ATR: variants seen among roughly 807,000 people sequenced by gnomAD.
ATR encodes the protein ATR checkpoint kinase.
Under a neutral mutation model 305.3 loss-of-function variants are expected in ATR, and 142 were observed. The ratio of observed to expected loss-of-function variants is 0.47; its 90% confidence interval spans 0.41 to 0.53. ATR has a LOEUF of 0.53. Among genes scored for constraint, ATR ranks in the 20% least tolerant of loss-of-function variants. The pLI is 0.00. For synonymous variants in ATR, 1,050 were observed against 1,068.1 expected, an observed-to-expected ratio of 0.98 and a Z score of 0.33; for missense variants, 2,135 against 3,133.1, an observed-to-expected ratio of 0.68 and a Z score of 7.60.
At chr3:142,462,222 T>C (rs2071036285) in intron 41 of ATR, 132 bp from the exon 42 acceptor site, 1 of 850,028 alleles carries the variant, frequency 1.2e-6, no homozygotes, top group Admixed American at 2.5e-5. Context: ...GTGGTATACA[T>C]GAATAATTCT....
intron 22 of ATR, 72 bp downstream of exon 22, chr3:142,523,921 C>T (rs906475623): frequency 5.8e-5 from 86 of 1,470,256 alleles, no homozygotes; most frequent in Admixed American, 2.3e-4. Flanking sequence ...CTGAATAGTT[C>T]TTTGTAAATG....
At chr3:142,470,300 T>C in intron 36 of ATR, 117 bp from the exon 37 acceptor site, 1 of 864,412 alleles carries the variant, frequency 1.2e-6, no homozygotes, top group South Asian at 1.6e-5. Flanking sequence ...ATGGTATCAA[T>C]ATTTCTTCCT....
At position 142,562,391 on chromosome 3, in the gene ATR, A is replaced by T. The variant is rs779268564; in HGVS notation, c.1011T>A (p.Leu337=). Reference sequence around the variant, plus strand: ...AAGCTGCTTTTAGCAAATCAGACTTAAGCCGCATGAGCACACCGTCTTCAA... The same window carrying T: ...AAGCTGCTTTTAGCAAATCAGACTTTAGCCGCATGAGCACACCGTCTTCAA... ...VMFEDGVLMR[L]KSDLLKAALC... is the part of the protein sequence containing the mutation. The change falls in exon 4 of 47, where the codon CTT becomes CTA. Residue 337 remains leucine, a synonymous_variant. Coordinates refer to ENST00000350721, the MANE Select transcript of ATR (RefSeq NM_001184.4). 1 of 1,614,148 alleles carries T rather than the reference A, an allele frequency of 6.2e-7. No individual in the cohort carries two copies. The highest frequency in any genetic ancestry group is 8.5e-7 in the Non-Finnish European group (1 of 1,180,002).
chr3:142,529,406 T>C (rs1030738014), intron 21 of ATR, among the ~76,000 whole-genome samples: 5 of 152,128 alleles, frequency 3.3e-5, no homozygotes, highest in African/African-American at 1.2e-4. Context: ...CTCCCCCTTC[T>C]CTCATTTAAA....
chr3:142,487,780 G>A lies in ATR; in HGVS notation c.6079-2498C>T, dbSNP rs529411618. Among the ~76,000 whole-genome samples, 4 of 152,140 alleles carry A rather than the reference G, an allele frequency of 2.6e-5. No homozygotes were observed. In the South Asian group the frequency reaches 8.3e-4, roughly 32 times the overall value. On this transcript the variant is annotated intron_variant, in intron 35 of 46. Transcript: ENST00000350721. ...AAACAGAAGTTATTGTTTATTTTAG[G>A]GTTAGTGTTTTTGTTATGTTTAAGA...
chr3:142,456,603 A>T (rs2108255939), intron 45 of ATR, among the ~76,000 whole-genome samples: 1 of 152,236 alleles, frequency 6.6e-6, no homozygotes, highest in South Asian at 2.1e-4. Context: ...AAAAAACCCA[A>T]TTTAAAAGTG....
chr3:142,499,583 C>T (rs748531371), intron 31 of ATR, 44 bp downstream of exon 31: 13 of 1,578,830 alleles, frequency 8.2e-6, no homozygotes, highest in African/African-American at 2.7e-5. Context: ...CGTGAGCCAC[C>T]GCACCCATCC....
intron 24 of ATR, among the ~76,000 whole-genome samples, chr3:142,515,956 G>A (rs2032843575): frequency 6.6e-6 from 1 of 152,182 alleles, no homozygotes; most frequent in Non-Finnish European, 1.5e-5. Context: ...ATCAAGCTCA[G>A]AAGTTTCCAA....
At chr3:142,530,595 G>C (rs969509047) in intron 21 of ATR, among the ~76,000 whole-genome samples, 9 of 152,184 alleles carry the variant, frequency 5.9e-5, no homozygotes, top group Non-Finnish European at 1.3e-4. Flanking sequence ...CGTCAGCATA[G>C]TGAAGTGCAG....
rs150876287 is a variant in ATR, at chr3:142,538,934, T to C, written c.3582-309A>G. Among the ~76,000 whole-genome samples the C allele has an allele frequency of 2.4e-3, 366 of 152,248 alleles. 3 individuals are homozygous for C. The highest frequency in any genetic ancestry group is 8.1e-3 in the African/African-American group (336 of 41,564). ...AAAAATTAATAAAAATAGATATCTG[T>C]AGAGGTCGAAATTGGAATCTAGATT... On this transcript the variant is annotated intron_variant, in intron 18 of 46. Coordinates refer to ENST00000350721, the MANE Select transcript of ATR (RefSeq NM_001184.4).
intron 1 of ATR, among the ~76,000 whole-genome samples, chr3:142,574,514 T>C (rs1174423275): frequency 2.0e-5 from 3 of 151,770 alleles, no homozygotes; most frequent in African/African-American, 7.3e-5. Flanking sequence ...TGAGCACTTC[T>C]TATTTTGTGA....
chr3:142,556,176 C>A (rs1245843553), intron 9 of ATR, 37 bp from the exon 10 acceptor site: 11 of 1,608,908 alleles, frequency 6.8e-6, no homozygotes, highest in East Asian at 6.7e-5. Context: ...AACTTTCTTG[C>A]CTAATTTTGT....
chr3:142,517,881 T>C (rs1274838170), intron 24 of ATR, among the ~76,000 whole-genome samples: 5 of 152,222 alleles, frequency 3.3e-5, no homozygotes, highest in African/African-American at 4.8e-5. Flanking sequence ...TTATTGAGTG[T>C]CAACTAAATA....
intron 1 of ATR, among the ~76,000 whole-genome samples, chr3:142,568,809 C>A (rs1030401493): frequency 6.6e-6 from 1 of 152,242 alleles, no homozygotes; most frequent in Non-Finnish European, 1.5e-5. Context: ...GTTGTCAGGA[C>A]CAGGCCGCGT....
intron 28 of ATR, among the ~76,000 whole-genome samples, chr3:142,506,413 G>A (rs1405407243): frequency 6.6e-6 from 1 of 152,172 alleles, no homozygotes; most frequent in African/African-American, 2.4e-5. Context: ...AACAGAAGAA[G>A]CCAGGCACAG....
chr3:142,544,452 C>CAAAAAAAAAAAAA (rs57120276), intron 16 of ATR, among the ~76,000 whole-genome samples: 390 of 18,982 alleles, frequency 0.021, 64 homozygotes, highest in Non-Finnish European at 0.03. Context: ...ATCCTGCCTC[C>CAAAAAAAAAAAAA]AAAAAAAAAA....
chr3:142,563,551 T>G (rs918792414), intron 3 of ATR, among the ~76,000 whole-genome samples: 1 of 152,196 alleles, frequency 6.6e-6, no homozygotes, highest in Non-Finnish European at 1.5e-5. Context: ...AATGGATAAA[T>G]GTATGTGTTC....
At chr3:142,454,545 C>A (rs2070863645) in intron 45 of ATR, among the ~76,000 whole-genome samples, 1 of 150,082 alleles carries the variant, frequency 6.7e-6, no homozygotes. Flanking sequence ...GGGTTCACGC[C>A]ATTCTCCTGC....
At chr3:142,473,745 C>T (rs1341218174) in intron 36 of ATR, among the ~76,000 whole-genome samples, 1 of 151,436 alleles carries the variant, frequency 6.6e-6, no homozygotes, top group Non-Finnish European at 1.5e-5. Context: ...GGGGTTTCAC[C>T]GTGTTGCCCT....
Sources: allele counts gnomAD v4.1 joint callset (sites outside exome capture counted in the v4.1 genomes callset), GRCh38; gene constraint gnomAD v4.1.1; transcripts MANE v1.5; gene names NCBI Gene and HGNC (gene_info 2026-07-23, HGNC 2026-07-21).